KCNB2: variants seen among roughly 807,000 people sequenced by gnomAD.
KCNB2 encodes potassium voltage-gated channel subfamily B member 2, also known as delayed rectifier potassium channel protein.
KCNB2 carries 15 observed loss-of-function variants against 61.5 expected under a neutral mutation model. The observed-to-expected ratio is 0.24, with a 90% CI of 0.16 to 0.38. The LOEUF is 0.38. Ranked by LOEUF, KCNB2 falls within the 10% of genes least tolerant of loss-of-function variation. KCNB2 has a pLI of 1.00. For synonymous variants in KCNB2, 457 were observed against 446.0 expected, an observed-to-expected ratio of 1.02 and a Z score of -0.31; for missense variants, 828 against 1,125.2, an observed-to-expected ratio of 0.74 and a Z score of 3.78.
At chr8:72,927,570 C>G (rs951987654) in intron 2 of KCNB2, among the ~76,000 whole-genome samples, 1 of 152,296 alleles carries the variant, frequency 6.6e-6, no homozygotes, top group Admixed American at 6.5e-5. Context: ...TGCACCGACC[C>G]CCAACTCTTT....
At chr8:72,898,925 T>G (rs1806037186) in intron 2 of KCNB2, among the ~76,000 whole-genome samples, 1 of 152,154 alleles carries the variant, frequency 6.6e-6, no homozygotes, top group Non-Finnish European at 1.5e-5. Context: ...TTATTTGGCT[T>G]AGAATTATGG....
intron 1 of KCNB2, among the ~76,000 whole-genome samples, chr8:72,559,771 A>G (rs78839944): frequency 0.021 from 3,231 of 152,312 alleles, 103 homozygotes; most frequent in African/African-American, 0.073. Context: ...ATAGATTAAG[A>G]AAAGTTTTTT....
chr8:72,640,837 G>C (rs1356900933), intron 2 of KCNB2, among the ~76,000 whole-genome samples: 1 of 152,146 alleles, frequency 6.6e-6, no homozygotes, highest in East Asian at 1.9e-4. Context: ...GCTATTATCA[G>C]CTAATCAATT....
chr8:72,561,752 TATATATATGG>T (rs1294081768), intron 1 of KCNB2, among the ~76,000 whole-genome samples: 1,610 of 27,178 alleles, frequency 0.059, 225 homozygotes, highest in African/African-American at 0.15. Flanking sequence ...TATATGTATA[TATATATATGG>T]ATATATATAT....
At chr8:72,727,581 A>G (rs1378338116) in intron 2 of KCNB2, among the ~76,000 whole-genome samples, 1 of 152,206 alleles carries the variant, frequency 6.6e-6, no homozygotes, top group African/African-American at 2.4e-5. Context: ...ATACCTTGGC[A>G]TCTTGTTTGA....
chr8:72,778,792 G>GAGAAAGAAAAAGAAAAGAAAAT (rs1808707960), intron 2 of KCNB2, among the ~76,000 whole-genome samples: 1 of 67,150 alleles, frequency 1.5e-5, no homozygotes, highest in Non-Finnish European at 3.3e-5. Context: ...GAAAAGAAAA[G>GAGAAAGAAAAAGAAAAGAAAAT]AAAAAGAAAA....
chr8:72,932,761 G>T (rs1806815417), intron 2 of KCNB2, among the ~76,000 whole-genome samples: 1 of 152,086 alleles, frequency 6.6e-6, no homozygotes, highest in Admixed American at 6.5e-5. Flanking sequence ...TGCCATAAGA[G>T]CTTGCTATAA....
intron 2 of KCNB2, among the ~76,000 whole-genome samples, chr8:72,663,139 A>G (rs1806407182): frequency 6.6e-6 from 1 of 152,150 alleles, no homozygotes; most frequent in Non-Finnish European, 1.5e-5. Context: ...ATAGGTGCTT[A>G]TATTTTTAGT....
intron 1 of KCNB2, among the ~76,000 whole-genome samples, chr8:72,559,561 G>A (rs1441416091): frequency 6.6e-6 from 1 of 152,170 alleles, no homozygotes; most frequent in East Asian, 1.9e-4. Flanking sequence ...GAGATCCAGG[G>A]CAGAAGGAGG....
chr8:72,829,499 C>G (rs923127694), intron 2 of KCNB2, among the ~76,000 whole-genome samples: 6 of 152,144 alleles, frequency 3.9e-5, no homozygotes, highest in African/African-American at 1.4e-4. Flanking sequence ...TTTGCACAGG[C>G]GTTCATAGTT....
chr8:72,898,265 G>A (rs899549963), intron 2 of KCNB2, among the ~76,000 whole-genome samples: 1 of 151,868 alleles, frequency 6.6e-6, no homozygotes, highest in African/African-American at 2.4e-5. Context: ...ACACAGGAAG[G>A]GGAACATCAC....
At chr8:72,912,534 G>A (rs1323513515) in intron 2 of KCNB2, among the ~76,000 whole-genome samples, 2 of 145,640 alleles carry the variant, frequency 1.4e-5, no homozygotes, top group Admixed American at 1.4e-4. Context: ...TATATAATAT[G>A]ATATATAGGG....
intron 2 of KCNB2, among the ~76,000 whole-genome samples, chr8:72,595,147 A>T (rs1210498599): frequency 6.6e-6 from 1 of 151,838 alleles, no homozygotes; most frequent in Admixed American, 6.6e-5. Context: ...TCCCTAACAG[A>T]GCCCTTCCTG....
chr8:72,787,161 G>A (rs1808856534), intron 2 of KCNB2, among the ~76,000 whole-genome samples: 2 of 152,066 alleles, frequency 1.3e-5, no homozygotes, highest in Non-Finnish European at 2.9e-5. Flanking sequence ...AAAACACTGA[G>A]ATGAAAACCT....
intron 2 of KCNB2, among the ~76,000 whole-genome samples, chr8:72,807,709 A>T (rs1809247674): frequency 6.6e-6 from 1 of 152,194 alleles, no homozygotes; most frequent in Admixed American, 6.5e-5. Context: ...TGGGCAGGGG[A>T]TAGCCAGCTA....
chr8:72,682,590 A>AT lies in KCNB2; in HGVS notation c.579+114280dup, dbSNP rs200178264. Among the ~76,000 whole-genome samples, 189 of 146,584 alleles carry AT rather than the reference A, an allele frequency of 1.3e-3. 1 individual carries two copies. Among genetic ancestry groups the AT allele is most frequent in the Middle Eastern group, 3.6e-3 (1 of 278 alleles). ...AGGAAGTCATGGACACTAAAGTTGA[A>AT]TTTAAAAAAAAAAAAAAAAAAAGGA... On this transcript the variant is annotated intron_variant, in intron 2 of 2. Transcript: ENST00000523207.
chr8:72,597,078 C>G (rs1467822915), intron 2 of KCNB2, among the ~76,000 whole-genome samples: 1 of 128,042 alleles, frequency 7.8e-6, no homozygotes, highest in Non-Finnish European at 1.5e-5. Flanking sequence ...GGCTGGAGTG[C>G]AGTGGCACGA....
chr8:72,657,463 T>C (rs920729378), intron 2 of KCNB2, among the ~76,000 whole-genome samples: 2 of 152,178 alleles, frequency 1.3e-5, no homozygotes, highest in African/African-American at 2.4e-5. Context: ...AGATTACTCT[T>C]GTAAAACTCT....
chr8:72,804,541 G>T (rs1377106038), intron 2 of KCNB2, among the ~76,000 whole-genome samples: 1 of 152,096 alleles, frequency 6.6e-6, no homozygotes, highest in South Asian at 2.1e-4. Flanking sequence ...TCCATTAAAG[G>T]TTTTCCAAAT....
Sources: allele counts gnomAD v4.1 joint callset (sites outside exome capture counted in the v4.1 genomes callset), GRCh38; gene constraint gnomAD v4.1.1; transcripts MANE v1.5; gene names NCBI Gene and HGNC (gene_info 2026-07-23, HGNC 2026-07-21).